The following ENTREP2 variants were observed in gnomAD, a reference collection of about 807,000 sequenced individuals.
ENTREP2 encodes endosomal transmembrane epsin interactor 2.
the ENTREP2 span, among the ~76,000 whole-genome samples, chr15:29,344,599 T>C: frequency 4.1e-4 from 63 of 152,084 alleles, no homozygotes; most frequent in Non-Finnish European, 8.5e-4. Flanking sequence ...CCTGATGACA[T>C]TTCTTCAAGT....
At chr15:29,204,005 G>A in the ENTREP2 span, among the ~76,000 whole-genome samples, 4 of 152,104 alleles carry the variant, frequency 2.6e-5, no homozygotes, top group Non-Finnish European at 5.9e-5. Flanking sequence ...ATGACCCCAG[G>A]GAATAGACAT....
At chr15:29,444,639 G>C in the ENTREP2 span, among the ~76,000 whole-genome samples, 2 of 151,958 alleles carry the variant, frequency 1.3e-5, 1 homozygote, top group African/African-American at 4.8e-5. Context: ...GCTAATTTTT[G>C]TATTTTTAGT....
the ENTREP2 span, among the ~76,000 whole-genome samples, chr15:29,321,720 A>C: frequency 2.0e-5 from 3 of 152,076 alleles, no homozygotes; most frequent in Non-Finnish European, 1.5e-5. Context: ...AATGCAGGAA[A>C]TGTGTCACCA....
the ENTREP2 span, among the ~76,000 whole-genome samples, chr15:29,600,892 A>ATTTTTTTTTTTTTT: frequency 1.0e-5 from 1 of 97,960 alleles, no homozygotes; most frequent in South Asian, 2.6e-4. Flanking sequence ...GGAAAATATG[A>ATTTTTTTTTTTTTT]TTTTTCTTTC....
the ENTREP2 span, among the ~76,000 whole-genome samples, chr15:29,606,988 C>T: frequency 6.6e-6 from 1 of 152,004 alleles, no homozygotes; most frequent in Admixed American, 6.6e-5. Context: ...TGCAAGCCAC[C>T]ACACCCAGCT....
chr15:29,656,147 T>C, the ENTREP2 span, among the ~76,000 whole-genome samples: 6,973 of 150,290 alleles, frequency 0.046, 183 homozygotes, highest in South Asian at 0.066. Context: ...AAATAAAGAA[T>C]AAAGAATTTT....
chr15:29,156,245 C>T, the ENTREP2 span, among the ~76,000 whole-genome samples: 9 of 152,080 alleles, frequency 5.9e-5, no homozygotes, highest in East Asian at 9.7e-4. Context: ...AGTGCAGTAG[C>T]GTGATCTTGG....
chr15:29,430,111 G>C, the ENTREP2 span, among the ~76,000 whole-genome samples: 1 of 152,194 alleles, frequency 6.6e-6, no homozygotes, highest in Non-Finnish European at 1.5e-5. Context: ...GCGGAAACAA[G>C]AAAGTGGGAA....
chr15:29,465,735 A>G, the ENTREP2 span, among the ~76,000 whole-genome samples: 30 of 152,228 alleles, frequency 2.0e-4, no homozygotes, highest in Admixed American at 9.2e-4. Context: ...TTGGGATGAC[A>G]GTTATAAATA....
At chr15:29,378,561 A>G in the ENTREP2 span, among the ~76,000 whole-genome samples, 1 of 152,288 alleles carries the variant, frequency 6.6e-6, no homozygotes, top group East Asian at 1.9e-4. Flanking sequence ...GAAAGAAGAG[A>G]AAATGACGGA....
At chr15:29,373,877 G>T in the ENTREP2 span, 1 of 151,712 alleles carries the variant, frequency 6.6e-6, no homozygotes, top group Non-Finnish European at 1.5e-5. Context: ...TTAGTGAATG[G>T]AGCAACAGTC....
chr15:29,203,112 C>T, the ENTREP2 span, among the ~76,000 whole-genome samples: 1 of 152,184 alleles, frequency 6.6e-6, no homozygotes, highest in Non-Finnish European at 1.5e-5. Flanking sequence ...CAGTATAAAA[C>T]CGTTCCTAGG....
chr15:29,259,034 G>A, the ENTREP2 span, among the ~76,000 whole-genome samples: 1 of 152,156 alleles, frequency 6.6e-6, no homozygotes, highest in African/African-American at 2.4e-5. Flanking sequence ...TCATAACTCT[G>A]GAAGCTGGCT....
chr15:29,344,468 C>T, the ENTREP2 span, among the ~76,000 whole-genome samples: 1 of 77,014 alleles, frequency 1.3e-5, no homozygotes, highest in South Asian at 4.9e-4. Context: ...TCCTCTCACC[C>T]TCAGAAGAAG....
the ENTREP2 span, among the ~76,000 whole-genome samples, chr15:29,291,197 A>C: frequency 6.6e-5 from 10 of 152,294 alleles, no homozygotes; most frequent in African/African-American, 2.4e-4. Context: ...CATACTATGC[A>C]TTTGTGACTA....
chr15:29,399,233 A>G, the ENTREP2 span, among the ~76,000 whole-genome samples: 4 of 152,192 alleles, frequency 2.6e-5, no homozygotes, highest in Admixed American at 2.6e-4. Flanking sequence ...CAGCCTCACC[A>G]GGATTTCAGC....
At chr15:29,301,395 A>C in the ENTREP2 span, among the ~76,000 whole-genome samples, 1 of 152,232 alleles carries the variant, frequency 6.6e-6, no homozygotes, top group Non-Finnish European at 1.5e-5. Context: ...GCATGTCCTT[A>C]GAGTTTTCAG....
At chr15:29,188,016 G>C in the ENTREP2 span, among the ~76,000 whole-genome samples, 1 of 152,218 alleles carries the variant, frequency 6.6e-6, no homozygotes, top group Non-Finnish European at 1.5e-5. Context: ...GGCTGAACAG[G>C]TGGACATGGC....
chr15:29,156,272 T>C, the ENTREP2 span, among the ~76,000 whole-genome samples: 2 of 150,286 alleles, frequency 1.3e-5, no homozygotes, highest in African/African-American at 4.9e-5. Context: ...GCAACTTCCA[T>C]CTCCCAGGTT....
Sources: allele counts gnomAD v4.1 joint callset (sites outside exome capture counted in the v4.1 genomes callset), GRCh38; gene constraint gnomAD v4.1.1; transcripts MANE v1.5; gene names NCBI Gene and HGNC (gene_info 2026-07-23, HGNC 2026-07-21).